The following STARD9 variants were observed in gnomAD, a reference collection of about 807,000 sequenced individuals.
The protein encoded by STARD9 is stAR-related lipid transfer protein 9.
Under a neutral mutation model 399.8 loss-of-function variants are expected in STARD9, and 346 were observed. The ratio of observed to expected loss-of-function variants is 0.87; its 90% CI spans 0.79 to 0.95. STARD9 has a LOEUF of 0.95. STARD9 is among the 40% of genes least tolerant of loss of function. STARD9 has a pLI of 0.00. For missense variants in STARD9, 5,832 were observed against 5,667.5 expected (o/e 1.03, Z -0.93); for synonymous variants, 2,203 against 2,143.5 (o/e 1.03, Z -0.77).
chr15:42,583,138 G>C (rs2058208107), intron 1 of STARD9, among the ~76,000 whole-genome samples: 2 of 152,178 alleles, frequency 1.3e-5, no homozygotes, highest in South Asian at 4.1e-4. Context: ...GTGAATGTGA[G>C]CTGTTGCAGA....
Position 42,657,233 on chromosome 15 carries a change from G to A in STARD9, c.703-3925G>A, listed in dbSNP as rs973098635. ...AAATTAGCCAGGCATGGTGGTGAGC[G>A]CTTGTAGTCCCAGCTACTCAGAAGG... On this transcript the variant is annotated intron_variant, in intron 9 of 32. Transcript: ENST00000290607. 4.0e-5 allele frequency among the ~76,000 whole-genome samples: 6 copies of A among 151,758 alleles called. No individual in the cohort carries two copies. The South Asian group carries it at 1.0e-3, about 26-fold the overall frequency.
At chr15:42,595,544 TG>T (rs1207359188) in intron 3 of STARD9, among the ~76,000 whole-genome samples, 2 of 152,188 alleles carry the variant, frequency 1.3e-5, no homozygotes, top group Admixed American at 6.5e-5. Context: ...CTGCCTGTTT[TG>T]GGAAGGCCTC....
At position 42,688,846 on chromosome 15, in the gene STARD9, G is replaced by A. The variant is rs768667506; in HGVS notation, c.7268G>A (p.Gly2423Asp). Residue 2423 changes from glycine to aspartate, a missense_variant, in exon 23 of 33, where the codon GGT becomes GAT. By Grantham distance (94) the Gly-to-Asp change is moderately conservative (BLOSUM62 -1). This residue lies in a region of STARD9 where 5,828 missense variants were observed against 5,651.1 expected (regional missense o/e 1.03). Coordinates refer to ENST00000290607, the MANE Select transcript of STARD9 (RefSeq NM_020759.3). Reference sequence around the variant, plus strand: ...GCCATGGGATCTCATAGTCAATCTGGTGTACCAGAGAGCATTCCTCTGGGG... The same window carrying A: ...GCCATGGGATCTCATAGTCAATCTGATGTACCAGAGAGCATTCCTCTGGGG... ...SMAMGSHSQS[G>D]VPESIPLGTE... 15 of 1,537,290 alleles carry A rather than the reference G, an allele frequency of 9.8e-6. No homozygotes were observed. Among genetic ancestry groups the A allele is most frequent in the Admixed American group, 2.0e-5 (1 of 50,994 alleles).
chr15:42,710,115 A>G (rs2061180076), intron 26 of STARD9, among the ~76,000 whole-genome samples: 2 of 141,948 alleles, frequency 1.4e-5, no homozygotes, highest in Admixed American at 1.5e-4. Flanking sequence ...GCTAGAGTGC[A>G]GTGACACAAT....
At chr15:42,623,611 C>A (rs909611677) in intron 3 of STARD9, among the ~76,000 whole-genome samples, 1 of 152,150 alleles carries the variant, frequency 6.6e-6, no homozygotes, top group Non-Finnish European at 1.5e-5. Flanking sequence ...AATGACTCTT[C>A]TTTCTTTCCG....
At position 42,685,194 on chromosome 15, in the gene STARD9, A is replaced by G; in HGVS notation, c.3616A>G (p.Ser1206Gly). ...AQTHRSFSLD[S>G]LIDAEEELGE... is the part of the protein sequence containing the mutation. ...AACTCATAGGAGCTTCTCCTTGGAT[A>G]GCCTGATTGATGCAGAGGAAGAACT... The change falls in exon 23 of 33, where the codon AGC (serine) becomes GGC (glycine). Residue 1206 changes from serine to glycine, a missense_variant. By Grantham distance (56) the Ser-to-Gly change is moderately conservative (BLOSUM62 0). Coordinates refer to ENST00000290607, the MANE Select transcript of STARD9 (RefSeq NM_020759.3). 6.5e-7 allele frequency: 1 copy of G among 1,537,204 alleles called. No homozygotes were observed. The highest frequency in any genetic ancestry group is 8.7e-7 in the Non-Finnish European group (1 of 1,146,926).
chr15:42,712,961 G>A (rs1460563018), intron 26 of STARD9, among the ~76,000 whole-genome samples: 1 of 152,110 alleles, frequency 6.6e-6, no homozygotes, highest in Non-Finnish European at 1.5e-5. Flanking sequence ...TGAATTTTAG[G>A]ATCAGCTTGT....
At chr15:42,651,268 G>GTCTCT (rs1459392726) in intron 8 of STARD9, among the ~76,000 whole-genome samples, 183 bp downstream of exon 8, 2 of 152,130 alleles carry the variant, frequency 1.3e-5, no homozygotes, top group African/African-American at 4.8e-5. Context: ...CTAAGATTTA[G>GTCTCT]TCTCTTCTCA....
Position 42,686,685 on chromosome 15 carries a change from G to A in STARD9, c.5107G>A (p.Glu1703Lys). Residue 1703 changes from glutamate (E) to lysine (K), a missense_variant, in exon 23 of 33, where the codon GAG becomes AAG. Glu to Lys is a moderately conservative substitution (Grantham distance 56). Around this residue, in one of 2 missense-constraint regions of STARD9, gnomAD observed 5,828 missense variants for 5,651.1 expected, o/e 1.03. Transcript: ENST00000290607. Reference protein sequence around the residue: ...PLEEEKTDCQESSKEAVRRHI... With the variant: ...PLEEEKTDCQKSSKEAVRRHI... The stretch of plus-strand genomic sequence containing the variant: ...AGAGGAAGAGAAGACAGATTGCCAG[G>A]AGAGCTCTAAGGAAGCAGTTAGAAG... 6.5e-7 allele frequency: 1 copy of A among 1,537,738 alleles called. No homozygotes were observed. The highest frequency in any genetic ancestry group is 8.7e-7 in the Non-Finnish European group (1 of 1,147,020).
At chr15:42,631,460 G>A (rs2059330519) in intron 3 of STARD9, among the ~76,000 whole-genome samples, 1 of 151,962 alleles carries the variant, frequency 6.6e-6, no homozygotes, top group Non-Finnish European at 1.5e-5. Flanking sequence ...TGCGCCGGTA[G>A]TCTCAGCTAC....
intron 3 of STARD9, among the ~76,000 whole-genome samples, chr15:42,610,579 A>G (rs551025057): frequency 1.3e-4 from 20 of 151,714 alleles, no homozygotes; most frequent in Non-Finnish European, 2.5e-4. Flanking sequence ...ACAGAGTCTC[A>G]CTCTTGTCGC....
Position 42,651,016 on chromosome 15 carries a change from G to A in STARD9, c.560G>A (p.Gly187Asp). 3.3e-6 allele frequency: 5 copies of A among 1,523,496 alleles called. No homozygotes were observed. Among genetic ancestry groups the A allele is most frequent in the Admixed American group, 2.0e-5 (1 of 50,116 alleles). 94.4% of individuals were successfully genotyped at this position (1,523,496 alleles called of 1,614,324 possible). The change falls in exon 8 of 33, where the codon GGT becomes GAT. Residue 187 changes from glycine (G) to aspartate (D), a missense_variant and splice_region_variant. Transcript: ENST00000290607. ...TTTTTCCGTTTCACAAATCCGATAG[G>A]TTTATCTCAACATGTAGTTACCAAT... ...EHPEMGPYVQ[G>D]LSQHVVTNYK...
At chr15:42,592,456 A>C (rs28362160) in intron 3 of STARD9, among the ~76,000 whole-genome samples, 3 of 147,216 alleles carry the variant, frequency 2.0e-5, no homozygotes, top group African/African-American at 5.0e-5. Context: ...TCTTTTTTTT[A>C]TTTTTTGAGA....
chr15:42,609,294 C>T (rs1352590644), intron 3 of STARD9, among the ~76,000 whole-genome samples: 1 of 152,196 alleles, frequency 6.6e-6, no homozygotes, highest in Non-Finnish European at 1.5e-5. Flanking sequence ...CCCAAGTCCT[C>T]TCTCTAACCC....
intron 6 of STARD9, 112 bp from the exon 7 acceptor site, chr15:42,638,588 A>G: frequency 3.1e-6 from 2 of 653,802 alleles, no homozygotes; most frequent in Non-Finnish European, 2.6e-6. Flanking sequence ...ATTGCCTTAG[A>G]GTGTCAGAAG....
chr15:42,699,486 C>T (rs113915421), intron 26 of STARD9, among the ~76,000 whole-genome samples: 8,712 of 149,750 alleles, frequency 0.058, 575 homozygotes, highest in African/African-American at 0.17. Context: ...CTCCGCCTCC[C>T]GGGTTCACGC....
Position 42,687,792 on chromosome 15 carries a change from GT to G in STARD9, c.6216del (p.His2073MetfsTer92). 6.5e-7 allele frequency: 1 copy of G among 1,537,472 alleles called. No homozygotes were observed. Among genetic ancestry groups the G allele is most frequent in the Non-Finnish European group, 8.7e-7 (1 of 1,147,004 alleles). ...AATTGAATCTAAGCAGAATAAGCAG[GT>G]TCATGCTTCCCACACACCAGGAACC... The part of the protein sequence containing the change: ...LEIESKQNKQ[V>X]HASHTPGTDK... On this transcript the variant is annotated frameshift_variant, in exon 23 of 33. Transcript: ENST00000290607. LOFTEE classifies it high-confidence loss of function.
Position 42,607,034 on chromosome 15 carries a change from A to G in STARD9, c.234+21397A>G, listed in dbSNP as rs1431980841. Among the ~76,000 whole-genome samples the G allele has an allele frequency of 3.3e-5, 5 of 150,338 alleles. No homozygotes were observed. The South Asian group carries it at 6.3e-4, about 19-fold the overall frequency. ...GTGATCATAGCTCACTGCAGCCTCT[A>G]TCTCCCGGGCTCAAGTGATCCTACC... On this transcript the variant is annotated intron_variant, in intron 3 of 32. Transcript: ENST00000290607.
chr15:42,684,812 C>T lies in STARD9; in HGVS notation c.3234C>T (p.Asp1078=). The change falls in exon 23 of 33, where the codon GAC becomes GAT. Residue 1078 remains aspartate, a synonymous_variant. Coordinates refer to ENST00000290607, the MANE Select transcript of STARD9 (RefSeq NM_020759.3). ...GACAACAAAATACAAGGGACCCAGA[C>T]ACCATGGTCCCACTCACAGATTTCA... ...LKRQQNTRDP[D]TMVPLTDFSP... 1 of 1,537,214 alleles carries T rather than the reference C, an allele frequency of 6.5e-7. No homozygotes were observed. Among genetic ancestry groups the T allele is most frequent in the Non-Finnish European group, 8.7e-7 (1 of 1,146,920 alleles).
Sources: gnomAD v4.1 joint callset for allele counts (sites outside exome capture counted in the v4.1 genomes callset) on GRCh38, gnomAD v4.1.1 for gene constraint, gnomAD v4.1.1 regional missense constraint, MANE v1.5 for transcripts, NCBI Gene and HGNC (gene_info 2026-07-23, HGNC 2026-07-21) for gene names.